COL17A1: variants seen among roughly 807,000 people sequenced by gnomAD.
COL17A1 encodes the protein collagen type XVII alpha 1 chain, also known as collagen alpha-1(XVII) chain.
COL17A1 carries 181 observed loss-of-function variants against 218.4 expected under a neutral mutation model. That is an observed-to-expected ratio of 0.83 (90% confidence interval 0.73 to 0.94). The LOEUF (loss-of-function observed/expected upper bound fraction) is 0.94. Among genes scored for constraint, COL17A1 ranks in the 40% least tolerant of loss-of-function variants. The pLI is 0.00. For missense variants in COL17A1, 1,924 were observed against 1,945.9 expected, an observed-to-expected ratio of 0.99 and a Z score of 0.21; for synonymous variants, 721 against 731.0, an observed-to-expected ratio of 0.99 and a Z score of 0.22.
rs1408659921 is a variant in COL17A1 at position 104,034,703 on chromosome 10, G to T, written c.3684C>A (p.Pro1228=). ...GPPGPPGPRG[P]PGVSGALATY... ...TTGCCAGGGCTCCTGAGACACCCGG[G>T]GGCCCTCGAGGCCCTGGGGGACCAG... The change falls in exon 51 of 56, where the codon CCC becomes CCA. Residue 1228 remains proline, a synonymous_variant. Coordinates refer to ENST00000648076, the MANE Select transcript of COL17A1 (RefSeq NM_000494.4). 1 of 1,610,894 alleles carries T rather than the reference G, an allele frequency of 6.2e-7. No individual in the cohort carries two copies. Among genetic ancestry groups the T allele is most frequent in the Non-Finnish European group, 8.5e-7 (1 of 1,179,074 alleles).
At chr10:104,037,895 G>T in intron 45 of COL17A1, 122 bp from the exon 46 acceptor site, 2 of 1,277,018 alleles carry the variant, frequency 1.6e-6, no homozygotes, top group Non-Finnish European at 2.2e-6. Flanking sequence ...CCAAGGCTGG[G>T]CCAGGAGGGA....
At chr10:104,042,296 C>A in intron 36 of COL17A1, 124 bp downstream of exon 36, 1 of 1,014,410 alleles carries the variant, frequency 9.9e-7, no homozygotes, top group Non-Finnish European at 1.5e-6. Flanking sequence ...GAGCCCTGGC[C>A]CTGTCCTCCT....
At chr10:104,038,676 G>GA in intron 44 of COL17A1, 148 bp from the exon 45 acceptor site, 1 of 1,041,646 alleles carries the variant, frequency 9.6e-7, no homozygotes, top group South Asian at 1.4e-5. Flanking sequence ...CCCGAGAAGA[G>GA]AAGAAAGGAC....
chr10:104,036,175 T>TGA (rs2086295351), intron 48 of COL17A1, among the ~76,000 whole-genome samples: 1 of 41,158 alleles, frequency 2.4e-5, no homozygotes, highest in African/African-American at 9.4e-5. Context: ...TGGGTGTGTG[T>TGA]GTATGGAAGT....
intron 31 of COL17A1, among the ~76,000 whole-genome samples, chr10:104,046,976 G>A (rs548309256): frequency 7.9e-5 from 12 of 152,284 alleles, no homozygotes; most frequent in African/African-American, 1.2e-4. Flanking sequence ...GCAGTGAAGC[G>A]ACCCACCACT....
At chr10:104,035,836 G>A (rs967855964) in intron 48 of COL17A1, among the ~76,000 whole-genome samples, 1 of 151,766 alleles carries the variant, frequency 6.6e-6, no homozygotes, top group African/African-American at 2.4e-5. Flanking sequence ...GTGTATGGGA[G>A]TGTATCGGAG....
intron 11 of COL17A1, 30 bp from the exon 12 acceptor site, chr10:104,062,359 C>T: frequency 6.2e-7 from 1 of 1,614,210 alleles, no homozygotes. Context: ...CAGGTGAGTA[C>T]AGGGAGCACG....
At chr10:104,036,938 C>T (rs959766345) in intron 47 of COL17A1, 107 bp downstream of exon 47, 1 of 1,095,632 alleles carries the variant, frequency 9.1e-7, no homozygotes, top group Non-Finnish European at 1.4e-6. Context: ...CTCTGCCTCC[C>T]TCTTGCAGCC....
At chr10:104,037,607 C>T in intron 46 of COL17A1, 29 bp downstream of exon 46, 2 of 1,613,752 alleles carry the variant, frequency 1.2e-6, no homozygotes, top group Non-Finnish European at 8.5e-7. Context: ...GAGGAAGGTG[C>T]CAGGTGCAGG....
chr10:104,083,646 GCTGT>G (rs1273792462), intron 1 of COL17A1, among the ~76,000 whole-genome samples: 2 of 152,082 alleles, frequency 1.3e-5, no homozygotes, highest in African/African-American at 4.8e-5. Context: ...TTCAGCCGAT[GCTGT>G]CTAACATACA....
At chr10:104,055,165 G>C in intron 19 of COL17A1, 158 bp from the exon 20 acceptor site, 1 of 1,465,182 alleles carries the variant, frequency 6.8e-7, no homozygotes, top group Admixed American at 2.0e-5. Context: ...ATGTCATTTG[G>C]GCTCATTGCT....
In COL17A1 at chr10:104,042,446, C is replaced by T; in HGVS notation, c.2525G>A (p.Gly842Asp). ...PGPPGAPGPA[G>D]PAGLPGHQEV... ...TTGATGTCCTGGGAGACCAGCTGGG[C>T]CGGCAGGGCCTGGAAACGGGGTTGA... Residue 842 changes from glycine to aspartate, a missense_variant, in exon 36 of 56, where the codon GGC (glycine) becomes GAC (aspartate). Coordinates refer to ENST00000648076, the MANE Select transcript of COL17A1 (RefSeq NM_000494.4). 6.2e-7 allele frequency: 1 copy of T among 1,614,156 alleles called. No individual in the cohort carries two copies. The highest frequency in any genetic ancestry group is 8.5e-7 in the Non-Finnish European group (1 of 1,180,026).
At chr10:104,062,120 T>C (rs1259456393) in intron 12 of COL17A1, 138 bp downstream of exon 12, 2 of 1,295,708 alleles carry the variant, frequency 1.5e-6, no homozygotes, top group Non-Finnish European at 2.2e-6. Context: ...TGATCAAGAT[T>C]GATATCTTGA....
chr10:104,073,700 G>A (rs2086686130), intron 6 of COL17A1, among the ~76,000 whole-genome samples: 1 of 152,190 alleles, frequency 6.6e-6, no homozygotes, highest in South Asian at 2.1e-4. Context: ...TATGCACAGT[G>A]AGATTCCAAG....
intron 19 of COL17A1, 85 bp from the exon 20 acceptor site, chr10:104,055,092 A>T (rs2086507348): frequency 1.9e-6 from 3 of 1,598,930 alleles, no homozygotes; most frequent in Non-Finnish European, 1.7e-6. Context: ...ACCATTTGAC[A>T]AGATGTAAAC....
At chr10:104,047,925 AAGG>A (rs2134599785) in intron 30 of COL17A1, 115 bp from the exon 31 acceptor site, 1 of 1,373,304 alleles carries the variant, frequency 7.3e-7, no homozygotes, top group East Asian at 2.3e-5. Context: ...GGCAGGTGGA[AAGG>A]AGAAGGGGAA....
intron 5 of COL17A1, 126 bp from the exon 6 acceptor site, chr10:104,074,357 G>A (rs1300590710): frequency 7.4e-7 from 1 of 1,352,672 alleles, no homozygotes; most frequent in Non-Finnish European, 1.0e-6. Context: ...GGGGGAATGA[G>A]GTATGCTCTT....
At chr10:104,078,056 C>T (rs555616731) in intron 3 of COL17A1, among the ~76,000 whole-genome samples, 14 of 152,196 alleles carry the variant, frequency 9.2e-5, no homozygotes, top group Admixed American at 4.6e-4. Flanking sequence ...TCCCTGGAGG[C>T]GGGGGCAGGG....
intron 12 of COL17A1, 126 bp downstream of exon 12, chr10:104,062,132 T>G: frequency 2.2e-6 from 3 of 1,394,016 alleles, no homozygotes; most frequent in Non-Finnish European, 2.0e-6. Flanking sequence ...ATATCTTGAG[T>G]GTTGTGTCTT....
Sources: allele counts gnomAD v4.1 joint callset (sites outside exome capture counted in the v4.1 genomes callset), GRCh38; gene constraint gnomAD v4.1.1; transcripts MANE v1.5; gene names NCBI Gene and HGNC (gene_info 2026-07-23, HGNC 2026-07-21).